GAB2: variants seen among roughly 807,000 people sequenced by gnomAD.
GAB2 encodes the protein GRB2-associated-binding protein 2.
GAB2 carries 26 observed loss-of-function variants against 65.5 expected under a neutral mutation model. That is an observed-to-expected ratio of 0.40 (90% confidence interval 0.29 to 0.55). The LOEUF is 0.55. GAB2 is among the 20% of genes least tolerant of loss of function. The pLI is 0.53. For missense variants in GAB2, 884 were observed against 875.8 expected, an observed-to-expected ratio of 1.01 and a Z score of -0.12; for synonymous variants, 321 against 329.6, an observed-to-expected ratio of 0.97 and a Z score of 0.28.
chr11:78,386,803 G>C (rs1856773841), intron 1 of GAB2, among the ~76,000 whole-genome samples: 1 of 152,122 alleles, frequency 6.6e-6, no homozygotes, highest in Non-Finnish European at 1.5e-5. Flanking sequence ...GATGTAAATT[G>C]TTTACTCATG....
chr11:78,392,382 A>G (rs1451106813), intron 1 of GAB2: 1 of 152,244 alleles, frequency 6.6e-6, no homozygotes, highest in East Asian at 1.9e-4. Flanking sequence ...AGATGCTACA[A>G]TAGAAAACAT....
intron 1 of GAB2, among the ~76,000 whole-genome samples, chr11:78,407,159 A>AG (rs1388534654): frequency 5.3e-5 from 8 of 152,222 alleles, no homozygotes; most frequent in African/African-American, 1.9e-4. Flanking sequence ...AGAAGAGAAG[A>AG]AAGAGGGTAG....
intron 2 of GAB2, among the ~76,000 whole-genome samples, chr11:78,261,711 GC>G (rs1865737658): frequency 6.6e-6 from 1 of 152,126 alleles, no homozygotes. Flanking sequence ...GGTACGAGAG[GC>G]ACTACTGAGC....
chr11:78,273,596 C>T (rs1013333966), intron 2 of GAB2, among the ~76,000 whole-genome samples: 1 of 152,188 alleles, frequency 6.6e-6, no homozygotes, highest in African/African-American at 2.4e-5. Context: ...AGGCGGAAGG[C>T]CTTGCCTTGG....
rs1865416326 is a variant in GAB2, at chr11:78,250,314, C to G, written c.463G>C (p.Glu155Gln). The change falls in exon 3 of 10, where the codon GAG becomes CAG. Residue 155 changes from glutamate (E) to glutamine (Q), a missense_variant. Physicochemically the swap from Glu to Gln is conservative, Grantham distance 29. Transcript: ENST00000361507. ...TGTGATGGGGCTGAGGACTTGCGCT[C>G]TCGGAGAAGGTGCTGGCTAGAGCTG... Reference protein sequence around the residue: ...LSSSSQHLLRERKSSAPSHSS... With the variant: ...LSSSSQHLLRQRKSSAPSHSS... The G allele has an allele frequency of 1.9e-6, 3 of 1,613,542 alleles. No individual in the cohort carries two copies.
At chr11:78,308,522 TG>T (rs1855419891) in intron 1 of GAB2, among the ~76,000 whole-genome samples, 1 of 152,180 alleles carries the variant, frequency 6.6e-6, no homozygotes, top group African/African-American at 2.4e-5. Flanking sequence ...TCTATGTGAT[TG>T]GAAGAAACAG....
At chr11:78,351,920 T>C (rs1047421021) in intron 1 of GAB2, among the ~76,000 whole-genome samples, 6 of 152,038 alleles carry the variant, frequency 3.9e-5, no homozygotes, top group African/African-American at 1.2e-4. Context: ...CTAAAAAGAA[T>C]TGGGGGGCCA....
At chr11:78,391,076 T>C (rs902655027) in intron 1 of GAB2, among the ~76,000 whole-genome samples, 30 of 152,140 alleles carry the variant, frequency 2.0e-4, no homozygotes, top group African/African-American at 6.8e-4. Flanking sequence ...TAAATGTTAT[T>C]GTGGCAGTTT....
intron 2 of GAB2, among the ~76,000 whole-genome samples, chr11:78,252,793 G>A (rs896251081): frequency 6.6e-5 from 10 of 151,916 alleles, no homozygotes; most frequent in African/African-American, 2.2e-4. Flanking sequence ...TCCCACTAGT[G>A]GGCCAAACTC....
Position 78,323,490 on chromosome 11 carries a change from A to G in GAB2, c.76-42589T>C, listed in dbSNP as rs531891748. ...ATGCCACTGCACTCCAGCCTGGGCA[A>G]CAGAGCAAGGCTCCGTCTCCCCAAT... On this transcript the variant is annotated intron_variant, in intron 1 of 9. Transcript: ENST00000361507. Among the ~76,000 whole-genome samples, 5 of 152,240 alleles carry G rather than the reference A, an allele frequency of 3.3e-5. No homozygotes were observed. The South Asian group carries it at 1.0e-3, about 32-fold the overall frequency.
chr11:78,267,043 C>T (rs1353987966), intron 2 of GAB2, among the ~76,000 whole-genome samples: 3 of 152,178 alleles, frequency 2.0e-5, no homozygotes, highest in Non-Finnish European at 2.9e-5. Flanking sequence ...AGTGGGCAGG[C>T]GGGCTCCAGC....
At chr11:78,233,101 G>A (rs926934675) in intron 3 of GAB2, among the ~76,000 whole-genome samples, 16 of 146,552 alleles carry the variant, frequency 1.1e-4, no homozygotes, top group South Asian at 4.2e-4. Context: ...ATGCAGTGAC[G>A]TGATCTCAGC....
chr11:78,411,087 A>C (rs915624134), intron 1 of GAB2, among the ~76,000 whole-genome samples: 3 of 137,462 alleles, frequency 2.2e-5, no homozygotes, highest in African/African-American at 8.4e-5. Flanking sequence ...CAGGAATTTG[A>C]GGCTGCAGTG....
At chr11:78,380,270 T>G (rs1856681369) in intron 1 of GAB2, among the ~76,000 whole-genome samples, 2 of 151,998 alleles carry the variant, frequency 1.3e-5, no homozygotes, top group Admixed American at 6.6e-5. Flanking sequence ...TGCAGTGGTG[T>G]GATCTCAGCT....
chr11:78,337,625 A>G (rs1856024071), intron 1 of GAB2, among the ~76,000 whole-genome samples: 1 of 152,210 alleles, frequency 6.6e-6, no homozygotes, highest in Admixed American at 6.5e-5. Context: ...AGAAGAAAGC[A>G]TCATTCTAGT....
At chr11:78,382,827 A>C (rs190705704) in intron 1 of GAB2, among the ~76,000 whole-genome samples, 143 of 152,372 alleles carry the variant, frequency 9.4e-4, no homozygotes, top group Admixed American at 8.9e-3. Context: ...TTACTAAAAC[A>C]AGGAACTCGA....
At chr11:78,348,017 A>C (rs148384372) in intron 1 of GAB2, among the ~76,000 whole-genome samples, 6 of 152,328 alleles carry the variant, frequency 3.9e-5, no homozygotes, top group Non-Finnish European at 8.8e-5. Context: ...ATAGAGAAAA[A>C]AATCATAAGG....
At chr11:78,393,353 G>A (rs10793311) in intron 1 of GAB2, among the ~76,000 whole-genome samples, 3 of 152,094 alleles carry the variant, frequency 2.0e-5, no homozygotes, top group African/African-American at 4.8e-5. Flanking sequence ...CACGAATAAA[G>A]TGTATCAAAA....
At chr11:78,283,336 C>CATCA (rs1866380616) in intron 1 of GAB2, among the ~76,000 whole-genome samples, 1 of 152,194 alleles carries the variant, frequency 6.6e-6, no homozygotes, top group Non-Finnish European at 1.5e-5. Context: ...TGCACAAAGA[C>CATCA]ATCACTTCAA....
Sources: allele counts gnomAD v4.1 joint callset (sites outside exome capture counted in the v4.1 genomes callset), GRCh38; gene constraint gnomAD v4.1.1; transcripts MANE v1.5; gene names NCBI Gene and HGNC (gene_info 2026-07-23, HGNC 2026-07-21).